WASF3: variants seen among roughly 807,000 people sequenced by gnomAD.
WASF3 encodes WASP family member 3, also known as actin-binding protein WASF3.
A neutral mutation model predicts 46.6 loss-of-function variants in WASF3; 11 were observed. That is an observed-to-expected ratio of 0.24 (90% CI 0.15 to 0.39). The LOEUF (loss-of-function observed/expected upper bound fraction) is 0.39, where lower values mean the gene tolerates loss of function less well. Ranked by LOEUF, WASF3 falls within the 10% of genes least tolerant of loss-of-function variation. The pLI is 1.00. For synonymous variants in WASF3, 242 were observed against 259.7 expected (o/e 0.93, Z 0.65); for missense variants, 576 against 669.8 (o/e 0.86, Z 1.55).
chr13:26,610,680 A>G (rs73489379), intron 1 of WASF3, among the ~76,000 whole-genome samples: 5,198 of 152,282 alleles, frequency 0.034, 316 homozygotes, highest in African/African-American at 0.12. Flanking sequence ...GCTTCTGGAC[A>G]GTAGCCACAG....
At chr13:26,656,044 G>A (rs1481236157) in intron 3 of WASF3, among the ~76,000 whole-genome samples, 2 of 152,088 alleles carry the variant, frequency 1.3e-5, no homozygotes, top group Non-Finnish European at 2.9e-5. Context: ...TCCAGTGTGT[G>A]TGCTAAAATT....
intron 2 of WASF3, chr13:26,638,790 A>G (rs1881905729): frequency 6.6e-6 from 1 of 152,204 alleles, no homozygotes; most frequent in Non-Finnish European, 1.5e-5. Flanking sequence ...TGATACTGAA[A>G]TTTGATCCCC....
chr13:26,619,178 G>A (rs989622769), intron 2 of WASF3: 2 of 152,156 alleles, frequency 1.3e-5, no homozygotes, highest in African/African-American at 4.8e-5. Flanking sequence ...CTAAGGTTAT[G>A]CACATACATG....
Position 26,642,419 on chromosome 13 carries a change from T to G in WASF3, c.133+16T>G. 1 of 1,573,634 alleles carries G rather than the reference T, an allele frequency of 6.4e-7. No individual in the cohort carries two copies. Among genetic ancestry groups the G allele is most frequent in the Non-Finnish European group, 8.6e-7 (1 of 1,166,840 alleles). On this transcript the variant is annotated intron_variant, in intron 3 of 9. Coordinates refer to ENST00000335327, the MANE Select transcript of WASF3 (RefSeq NM_006646.6). ...AGCAGTCTGAGTAAGCCATCTTTTT[T>G]CTGATTACCAATGACATTAACTTTT...
At chr13:26,572,605 G>A (rs571991969) in intron 1 of WASF3, among the ~76,000 whole-genome samples, 73 of 152,080 alleles carry the variant, frequency 4.8e-4, no homozygotes, top group African/African-American at 1.6e-3. Flanking sequence ...TTGCTCTGTC[G>A]CCCAGGCTGG....
the WASF3 span, among the ~76,000 whole-genome samples, chr13:26,539,244 T>C: frequency 1.3e-5 from 2 of 152,108 alleles, no homozygotes; most frequent in Non-Finnish European, 2.9e-5. Context: ...CAAGGTTAGT[T>C]ACTGAGCATG....
intron 1 of WASF3, among the ~76,000 whole-genome samples, chr13:26,579,038 T>C (rs1398322058): frequency 7.1e-6 from 1 of 141,614 alleles, no homozygotes; most frequent in East Asian, 2.2e-4. Context: ...TCTTGCTCTG[T>C]TGCACAGGCT....
At chr13:26,683,007 T>C (rs777643520) in intron 9 of WASF3, 33 bp downstream of exon 9, 1 of 1,577,278 alleles carries the variant, frequency 6.3e-7, no homozygotes, top group Non-Finnish European at 8.5e-7. Context: ...CAGCCTGCCT[T>C]TCAGCAAGAG....
intron 7 of WASF3, among the ~76,000 whole-genome samples, 179 bp from the exon 8 acceptor site, chr13:26,680,875 T>C (rs527367062): frequency 5.9e-5 from 9 of 152,342 alleles, no homozygotes; most frequent in African/African-American, 9.6e-5. Flanking sequence ...TGCCGACTTA[T>C]AATAATTATG....
chr13:26,546,636 C>T, the WASF3 span, among the ~76,000 whole-genome samples: 21 of 152,116 alleles, frequency 1.4e-4, no homozygotes, highest in African/African-American at 4.3e-4. Flanking sequence ...GGCTTGAACC[C>T]GGGAGGCGGA....
chr13:26,599,466 T>A (rs1324708349), intron 1 of WASF3, among the ~76,000 whole-genome samples: 3 of 152,160 alleles, frequency 2.0e-5, no homozygotes, highest in East Asian at 3.9e-4. Context: ...TGACGTGACA[T>A]AGGGGCTCTC....
intron 3 of WASF3, among the ~76,000 whole-genome samples, chr13:26,659,038 A>G (rs1380416241): frequency 6.6e-6 from 1 of 152,332 alleles, no homozygotes; most frequent in Non-Finnish European, 1.5e-5. Context: ...GATGAGAAAC[A>G]AGATGAATAC....
At chr13:26,680,493 A>G (rs115799531) in intron 7 of WASF3, among the ~76,000 whole-genome samples, 63 of 152,334 alleles carry the variant, frequency 4.1e-4, no homozygotes, top group African/African-American at 1.5e-3. Context: ...AAAGAAAACT[A>G]TGGAAAGAAG....
intron 2 of WASF3, chr13:26,641,173 G>A (rs953517822): frequency 6.6e-5 from 10 of 152,144 alleles, no homozygotes; most frequent in South Asian, 2.1e-4. Context: ...ATCCTGGGTT[G>A]GGTGGAGGAA....
At chr13:26,660,429 G>A (rs561603813) in intron 3 of WASF3, among the ~76,000 whole-genome samples, 9 of 151,916 alleles carry the variant, frequency 5.9e-5, no homozygotes, top group Non-Finnish European at 8.8e-5. Context: ...GAGAGAGGCC[G>A]GATGGATGAG....
chr13:26,655,698 A>T (rs556186858), intron 3 of WASF3, among the ~76,000 whole-genome samples: 5 of 152,280 alleles, frequency 3.3e-5, no homozygotes, highest in African/African-American at 1.2e-4. Flanking sequence ...AAATGCTTTC[A>T]TTTATTTCCC....
rs375363008 is a variant in WASF3, at chr13:26,558,339, C to T, written c.-109+520C>T. On this transcript the variant is annotated intron_variant, in intron 1 of 9. Coordinates refer to ENST00000335327, the MANE Select transcript of WASF3 (RefSeq NM_006646.6). The stretch of plus-strand genomic sequence containing the variant: ...CGCCCTGGCCTGTGCCCTCTTGGTG[C>T]CCGCGTGCGTGTTGGTTGCGGGCGT... Among the ~76,000 whole-genome samples the T allele has an allele frequency of 4.6e-5, 7 of 152,294 alleles. No homozygotes were observed. The East Asian group carries it at 1.4e-3, about 30-fold the overall frequency.
the WASF3 span, among the ~76,000 whole-genome samples, chr13:26,541,058 A>T: frequency 6.6e-6 from 1 of 152,170 alleles, no homozygotes; most frequent in African/African-American, 2.4e-5. Context: ...TTGCTTATTT[A>T]TATTATCTAA....
chr13:26,575,693 C>T (rs1879776976), intron 1 of WASF3, among the ~76,000 whole-genome samples: 1 of 152,164 alleles, frequency 6.6e-6, no homozygotes, highest in Non-Finnish European at 1.5e-5. Flanking sequence ...GCTTGATATA[C>T]AATCCTTTTT....
Sources: gnomAD v4.1 joint callset for allele counts (sites outside exome capture counted in the v4.1 genomes callset) on GRCh38, gnomAD v4.1.1 for gene constraint, MANE v1.5 for transcripts, NCBI Gene and HGNC (gene_info 2026-07-23, HGNC 2026-07-21) for gene names.